Variants in TSPAN3 observed in about 807,000 individuals in gnomAD.
The protein encoded by TSPAN3 is tetraspanin 3.
TSPAN3 carries 9 observed loss-of-function variants against 31.1 expected under a neutral mutation model. That is an observed-to-expected ratio of 0.29 (90% CI 0.17 to 0.50). The LOEUF (loss-of-function observed/expected upper bound fraction) is 0.50, where lower values mean the gene tolerates loss of function less well. Among genes scored for constraint, TSPAN3 ranks in the 20% least tolerant of loss-of-function variants. TSPAN3 has a pLI of 0.98. For missense variants in TSPAN3, 252 were observed against 313.5 expected, an observed-to-expected ratio of 0.80 and a Z score of 1.48; for synonymous variants, 129 against 114.3, an observed-to-expected ratio of 1.13 and a Z score of -0.82.
chr15:77,066,962 C>T lies in TSPAN3; in HGVS notation c.63+3930G>A, dbSNP rs80105664. ...TCCTGAGGTGGCCCAGGACATCACA[C>T]GTGGTGAGGGGGCTGAGTATGCTGG... On this transcript the variant is annotated intron_variant, in intron 1 of 6. Transcript: ENST00000267970. Among the ~76,000 whole-genome samples the T allele has an allele frequency of 7.2e-4, 110 of 152,176 alleles. No homozygotes were observed. The East Asian group carries it at 0.019, about 27-fold the overall frequency.
In TSPAN3 at chr15:77,054,175, C is replaced by T; in HGVS notation, c.432+3G>A. ...AAAACAAATCTGCCTCAAGAAAGCT[C>T]ACCTGTCTCTGTACATAATCAATAG... On this transcript the variant is annotated splice_donor_region_variant and intron_variant, in intron 4 of 6. Coordinates refer to ENST00000267970, the MANE Select transcript of TSPAN3 (RefSeq NM_005724.6). 6.2e-7 allele frequency: 1 copy of T among 1,611,872 alleles called. No individual in the cohort carries two copies. Among genetic ancestry groups the T allele is most frequent in the Non-Finnish European group, 8.5e-7 (1 of 1,178,138 alleles).
intron 6 of TSPAN3, among the ~76,000 whole-genome samples, chr15:77,047,850 C>A (rs2076704845): frequency 6.6e-6 from 1 of 152,130 alleles, no homozygotes; most frequent in Non-Finnish European, 1.5e-5. Flanking sequence ...AGACAGGGTC[C>A]TCTGTACATT....
At chr15:77,068,162 T>C (rs1318553637) in intron 1 of TSPAN3, 2 of 152,216 alleles carry the variant, frequency 1.3e-5, no homozygotes, top group Non-Finnish European at 2.9e-5. Context: ...GAGACATACC[T>C]AATGCTGTTT....
At chr15:77,064,270 A>C (rs2076817895) in intron 1 of TSPAN3, 1 of 152,176 alleles carries the variant, frequency 6.6e-6, no homozygotes, top group South Asian at 2.1e-4. Flanking sequence ...TTCGATGAAA[A>C]GTCTACCCTC....
chr15:77,062,063 G>C (rs2076804115), intron 1 of TSPAN3, among the ~76,000 whole-genome samples: 1 of 152,074 alleles, frequency 6.6e-6, no homozygotes, highest in Non-Finnish European at 1.5e-5. Flanking sequence ...TAAAAGCAGA[G>C]GGAAAAAATA....
At position 77,043,528 on chromosome 15, in the gene TSPAN3, C is replaced by T. The variant is rs2076671304; in HGVS notation, c.*3307G>A. ...GGTTCAGCCACCTGGAATGCAAAAC[C>T]AAATCTAATCACGAGGAAATCGCAG... On this transcript the variant is annotated 3_prime_UTR_variant, in exon 7 of 7. Coordinates refer to ENST00000267970, the MANE Select transcript of TSPAN3 (RefSeq NM_005724.6). The T allele has an allele frequency of 6.6e-6, 1 of 152,168 alleles. No individual in the cohort carries two copies. The highest frequency in any genetic ancestry group is 6.6e-5 in the Admixed American group (1 of 15,262). The allele number at this position is 152,168 out of a possible 1,614,324, so 9.4% of individuals were successfully genotyped here.
In TSPAN3 at chr15:77,071,096, C is replaced by G. The variant is rs949667004; in HGVS notation, c.-142G>C. On this transcript the variant is annotated 5_prime_UTR_variant, in exon 1 of 7. Transcript: ENST00000267970. ...CAGCCCCTGCGCCGTCGCGCAGCCC[C>G]GACCCCAGCAAGTGCCTCGCTCCTC... 3.2e-5 allele frequency: 15 copies of G among 469,134 alleles called. No homozygotes were observed. In the Admixed American group the frequency reaches 3.4e-4, roughly 11 times the overall value. 29.1% of individuals were successfully genotyped at this position (469,134 alleles called of 1,614,324 possible). A position where few individuals can be genotyped will look rare whatever the true frequency, so the allele number is the denominator to read the frequency against.
intron 1 of TSPAN3, among the ~76,000 whole-genome samples, chr15:77,059,454 A>G (rs1421373232): frequency 6.6e-6 from 1 of 152,148 alleles, no homozygotes; most frequent in Admixed American, 6.5e-5. Context: ...CTTCCCAAAT[A>G]CCCCTTTTTA....
At chr15:77,051,387 G>A (rs963352329) in intron 6 of TSPAN3, among the ~76,000 whole-genome samples, 2 of 152,008 alleles carry the variant, frequency 1.3e-5, no homozygotes. Context: ...AATTAGCTGG[G>A]CATGGTAGCG....
intron 1 of TSPAN3, among the ~76,000 whole-genome samples, chr15:77,059,384 A>G (rs558965030): frequency 1.3e-5 from 2 of 152,314 alleles, no homozygotes; most frequent in South Asian, 4.1e-4. Context: ...GCCTGGCCAG[A>G]CATAGCTTAA....
In TSPAN3 at chr15:77,045,754, A is replaced by G. The variant is rs909114012; in HGVS notation, c.*1081T>C. 3 of 152,182 alleles carry G rather than the reference A, an allele frequency of 2.0e-5. No homozygotes were observed. Among genetic ancestry groups the G allele is most frequent in the African/African-American group, 7.2e-5 (3 of 41,422 alleles). 9.4% of individuals were successfully genotyped at this position (152,182 alleles called of 1,614,324 possible). A position where few individuals can be genotyped will look rare whatever the true frequency, so the allele number is the denominator to read the frequency against. ...GTGTGAAAATTATCTTCTCCTATGTATGTCTCCTATACTAGGACTCCGAAC... is the reference window on the plus strand; with the variant it reads ...GTGTGAAAATTATCTTCTCCTATGTGTGTCTCCTATACTAGGACTCCGAAC... On this transcript the variant is annotated 3_prime_UTR_variant, in exon 7 of 7. Coordinates refer to ENST00000267970, the MANE Select transcript of TSPAN3 (RefSeq NM_005724.6).
intron 1 of TSPAN3, among the ~76,000 whole-genome samples, chr15:77,069,571 C>T (rs530793184): frequency 6.6e-6 from 1 of 152,352 alleles, no homozygotes; most frequent in East Asian, 1.9e-4. Flanking sequence ...ACAGCTACTA[C>T]CTCCCAGTTA....
In TSPAN3 at chr15:77,046,253, G is replaced by C; in HGVS notation, c.*582C>G. ...AGCCAACTTTGATTAAAAACCACTAGTTTCAAAGCTCAGTCTCTGATTTTG... is the reference window on the plus strand; with the variant it reads ...AGCCAACTTTGATTAAAAACCACTACTTTCAAAGCTCAGTCTCTGATTTTG... On this transcript the variant is annotated 3_prime_UTR_variant, in exon 7 of 7. Transcript: ENST00000267970. 2.5e-6 allele frequency: 1 copy of C among 397,000 alleles called. No individual in the cohort carries two copies. The highest frequency in any genetic ancestry group is 4.4e-6 in the Non-Finnish European group (1 of 225,332). The allele number at this position is 397,000 out of a possible 1,614,324, so 24.6% of individuals were successfully genotyped here. A position where few individuals can be genotyped will look rare whatever the true frequency, so the allele number is the denominator to read the frequency against.
At chr15:77,052,533 G>A in intron 5 of TSPAN3, 65 bp from the exon 6 acceptor site, 3 of 1,441,570 alleles carry the variant, frequency 2.1e-6, no homozygotes, top group Non-Finnish European at 9.7e-7. Flanking sequence ...AGATTCACAG[G>A]CCACTACCCA....
intron 6 of TSPAN3, 102 bp from the exon 7 acceptor site, chr15:77,047,029 T>A: frequency 1.2e-6 from 1 of 851,852 alleles, no homozygotes; most frequent in Non-Finnish European, 1.8e-6. Context: ...GTTCAATGAC[T>A]TCAAATCATC....
Position 77,056,041 on chromosome 15 carries a change from C to T in TSPAN3, c.255+23G>A, listed in dbSNP as rs764241691. On this transcript the variant is annotated intron_variant, in intron 2 of 6. Coordinates refer to ENST00000267970, the MANE Select transcript of TSPAN3 (RefSeq NM_005724.6). ...GAGTAGCATAGACTAAATACTCCTG[C>T]ATGTTCTCACAACACATCTTACCGT... The T allele has an allele frequency of 3.8e-6, 6 of 1,584,918 alleles. No individual in the cohort carries two copies. The South Asian group carries it at 7.0e-5, about 19-fold the overall frequency.
chr15:77,046,631 G>A lies in TSPAN3; in HGVS notation c.*204C>T. Reference sequence around the variant, plus strand: ...CACCATCGTACTTAAAATCTTAGGGGCATGAAGAGTCAGCTAGAACAAGGA... The same window carrying A: ...CACCATCGTACTTAAAATCTTAGGGACATGAAGAGTCAGCTAGAACAAGGA... On this transcript the variant is annotated 3_prime_UTR_variant, in exon 7 of 7. Transcript: ENST00000267970. 3.6e-6 allele frequency: 2 copies of A among 560,784 alleles called. No individual in the cohort carries two copies. Among genetic ancestry groups the A allele is most frequent in the South Asian group, 2.4e-5 (1 of 40,832 alleles). The allele number at this position is 560,784 out of a possible 1,614,324, so 34.7% of individuals were successfully genotyped here.
chr15:77,065,199 A>G (rs1296407784), intron 1 of TSPAN3, among the ~76,000 whole-genome samples: 1 of 151,866 alleles, frequency 6.6e-6, no homozygotes, highest in African/African-American at 2.4e-5. Flanking sequence ...TTATCACATC[A>G]CCCTTTAATT....
At position 77,041,802 on chromosome 15, in the gene TSPAN3, T is replaced by A. The variant is rs753550636; in HGVS notation, c.*5033A>T. ...CTTTGAAACTAGATACAGGCAGTGG[T>A]TCTATAGCATGGTGAATGTACTCAA... On this transcript the variant is annotated 3_prime_UTR_variant, in exon 7 of 7. Transcript: ENST00000267970. 2.0e-5 allele frequency: 3 copies of A among 152,198 alleles called. No individual in the cohort carries two copies. The highest frequency in any genetic ancestry group is 3.8e-4 in the East Asian group (2 of 5,204). 9.4% of individuals were successfully genotyped at this position (152,198 alleles called of 1,614,324 possible). A position where few individuals can be genotyped will look rare whatever the true frequency, so the allele number is the denominator to read the frequency against.
Sources: gnomAD v4.1 joint callset for allele counts (sites outside exome capture counted in the v4.1 genomes callset) on GRCh38, gnomAD v4.1.1 for gene constraint, MANE v1.5 for transcripts, NCBI Gene and HGNC (gene_info 2026-07-23, HGNC 2026-07-21) for gene names.